PFDN1: variants seen among roughly 807,000 people sequenced by gnomAD.
The protein encoded by PFDN1 is prefoldin subunit 1, also known as prefoldin 1.
Under a neutral mutation model 17.3 loss-of-function variants are expected in PFDN1, and 6 were observed. The ratio of observed to expected loss-of-function variants is 0.35; its 90% CI spans 0.19 to 0.69. The LOEUF is 0.69. Ranked by LOEUF, PFDN1 falls within the 30% of genes least tolerant of loss-of-function variation. The pLI is 0.65. For synonymous variants in PFDN1, 58 were observed against 50.1 expected, an observed-to-expected ratio of 1.16 and a Z score of -0.67; for missense variants, 113 against 146.2, an observed-to-expected ratio of 0.77 and a Z score of 1.17.
At chr5:140,246,494 C>T (rs1764831882) in intron 3 of PFDN1, among the ~76,000 whole-genome samples, 1 of 152,356 alleles carries the variant, frequency 6.6e-6, no homozygotes, top group East Asian at 1.9e-4. Flanking sequence ...ATGGATGGTG[C>T]ACGCTCTGCC....
At chr5:140,275,129 C>T (rs1489279523) in intron 3 of PFDN1, among the ~76,000 whole-genome samples, 1 of 151,988 alleles carries the variant, frequency 6.6e-6, no homozygotes. Context: ...ACTGCTTGTG[C>T]CAGGCGCGGT....
At chr5:140,259,253 A>C (rs1252311828) in intron 3 of PFDN1, among the ~76,000 whole-genome samples, 1 of 152,212 alleles carries the variant, frequency 6.6e-6, no homozygotes, top group Non-Finnish European at 1.5e-5. Flanking sequence ...CATGAAGGAA[A>C]GCTAGCAGAC....
At chr5:140,255,325 C>A (rs540192559) in intron 3 of PFDN1, among the ~76,000 whole-genome samples, 95 of 152,254 alleles carry the variant, frequency 6.2e-4, no homozygotes, top group Non-Finnish European at 1.0e-3. Context: ...AAAATACAAC[C>A]CTGCACTTTG....
chr5:140,263,969 C>T (rs1402746133), intron 3 of PFDN1, among the ~76,000 whole-genome samples: 2 of 132,362 alleles, frequency 1.5e-5, no homozygotes, highest in African/African-American at 5.9e-5. Flanking sequence ...TGCAGTGAGC[C>T]GAGATTGCGC....
intron 2 of PFDN1, chr5:140,293,120 A>T (rs766232554): frequency 2.6e-5 from 4 of 152,096 alleles, no homozygotes; most frequent in Non-Finnish European, 4.4e-5. Flanking sequence ...TACAGCACAC[A>T]ATTCCTCAGT....
chr5:140,300,328 C>T (rs1013728033), intron 2 of PFDN1, 88 bp downstream of exon 2: 2 of 1,056,668 alleles, frequency 1.9e-6, no homozygotes, highest in Admixed American at 4.0e-5. Flanking sequence ...CACTCCTGGC[C>T]TAACCCAAGT....
intron 3 of PFDN1, among the ~76,000 whole-genome samples, chr5:140,265,087 T>A (rs1188440414): frequency 6.6e-6 from 1 of 152,182 alleles, no homozygotes; most frequent in Non-Finnish European, 1.5e-5. Flanking sequence ...TCTGCTATAC[T>A]TTAAAAGGAC....
intron 2 of PFDN1, among the ~76,000 whole-genome samples, chr5:140,291,782 G>A (rs1765586391): frequency 6.6e-6 from 1 of 152,144 alleles, no homozygotes; most frequent in Non-Finnish European, 1.5e-5. Context: ...ACAGTGAGGT[G>A]GGAGGAATAT....
chr5:140,287,040 T>C (rs1765506308), intron 2 of PFDN1, among the ~76,000 whole-genome samples: 1 of 152,234 alleles, frequency 6.6e-6, no homozygotes, highest in South Asian at 2.1e-4. Context: ...GTGGCTCTAA[T>C]GTAAGTTATT....
chr5:140,273,595 C>T (rs1407181755), intron 3 of PFDN1, among the ~76,000 whole-genome samples: 5 of 152,178 alleles, frequency 3.3e-5, no homozygotes, highest in Admixed American at 3.3e-4. Context: ...TCAGGAACCA[C>T]TGTCTGACCA....
At chr5:140,253,364 G>C (rs1311136331) in intron 3 of PFDN1, among the ~76,000 whole-genome samples, 1 of 152,124 alleles carries the variant, frequency 6.6e-6, no homozygotes, top group African/African-American at 2.4e-5. Context: ...AATTCAGTCT[G>C]CCAAGACGAA....
At chr5:140,283,406 C>T (rs1765440227) in intron 2 of PFDN1, among the ~76,000 whole-genome samples, 2 of 152,078 alleles carry the variant, frequency 1.3e-5, no homozygotes, top group Admixed American at 1.3e-4. Context: ...CTAATTTTTT[C>T]TATTTTTTAG....
chr5:140,267,070 C>T (rs550021253), intron 3 of PFDN1, among the ~76,000 whole-genome samples: 12 of 144,418 alleles, frequency 8.3e-5, no homozygotes, highest in African/African-American at 2.3e-4. Flanking sequence ...TGCTGCGGTG[C>T]GGGTTACAGT....
intron 3 of PFDN1, among the ~76,000 whole-genome samples, chr5:140,269,733 C>G (rs959182239): frequency 6.6e-6 from 1 of 152,184 alleles, no homozygotes; most frequent in African/African-American, 2.4e-5. Context: ...AATGGAAACT[C>G]AGAAAAAGAC....
At chr5:140,286,148 C>T (rs1244851085) in intron 2 of PFDN1, among the ~76,000 whole-genome samples, 4 of 151,870 alleles carry the variant, frequency 2.6e-5, no homozygotes, top group African/African-American at 9.7e-5. Flanking sequence ...TGGTGGTTCA[C>T]ACCTGCAATC....
intron 3 of PFDN1, among the ~76,000 whole-genome samples, chr5:140,275,469 A>G (rs1414513601): frequency 3.3e-5 from 5 of 151,980 alleles, no homozygotes; most frequent in East Asian, 1.9e-4. Context: ...ATGACTCCCT[A>G]TCAAGATTAA....
At chr5:140,300,314 C>T (rs1465761265) in intron 2 of PFDN1, 102 bp downstream of exon 2, 1 of 822,162 alleles carries the variant, frequency 1.2e-6, no homozygotes, top group Non-Finnish European at 2.0e-6. Context: ...CAGGCATGAG[C>T]CACCACTCCT....
chr5:140,276,051 ATG>A (rs1765287123), intron 3 of PFDN1, among the ~76,000 whole-genome samples: 1 of 151,986 alleles, frequency 6.6e-6, no homozygotes, highest in Admixed American at 6.6e-5. Flanking sequence ...GATGATGATG[ATG>A]ATGATGATAA....
intron 3 of PFDN1, among the ~76,000 whole-genome samples, chr5:140,274,208 C>T (rs1303219429): frequency 6.6e-6 from 1 of 152,130 alleles, no homozygotes; most frequent in Non-Finnish European, 1.5e-5. Context: ...AGTTTTAACT[C>T]AACTTTAAAA....
Sources: gnomAD v4.1 joint callset for allele counts (sites outside exome capture counted in the v4.1 genomes callset) on GRCh38, gnomAD v4.1.1 for gene constraint, MANE v1.5 for transcripts, NCBI Gene and HGNC (gene_info 2026-07-23, HGNC 2026-07-21) for gene names.